The following NEMP2 variants were observed in gnomAD, a reference collection of about 807,000 sequenced individuals.
NEMP2 encodes nuclear envelope integral membrane protein 2.
A neutral mutation model predicts 54.2 loss-of-function variants in NEMP2; 53 were observed. The observed-to-expected ratio is 0.98, with a 90% confidence interval of 0.78 to 1.23. NEMP2 has a LOEUF of 1.23. NEMP2 is among the 50% of genes most tolerant of loss of function. The pLI is 0.00. For missense variants in NEMP2, 455 were observed against 511.3 expected (o/e 0.89, Z 1.06); for synonymous variants, 197 against 190.3 (o/e 1.04, Z -0.29).
At chr2:190,612,034 C>T in the NEMP2 span, among the ~76,000 whole-genome samples, 1 of 152,136 alleles carries the variant, frequency 6.6e-6, no homozygotes. Context: ...GGCCTAATCA[C>T]CTTCAAACTG....
the NEMP2 span, among the ~76,000 whole-genome samples, chr2:190,464,492 C>T: frequency 6.6e-6 from 1 of 152,164 alleles, no homozygotes; most frequent in Non-Finnish European, 1.5e-5. Flanking sequence ...GAAAAGTTCA[C>T]TTCTTTCTTC....
the NEMP2 span, among the ~76,000 whole-genome samples, chr2:190,476,408 C>T: frequency 6.6e-6 from 1 of 152,212 alleles, no homozygotes; most frequent in Non-Finnish European, 1.5e-5. Flanking sequence ...TGAACAGACT[C>T]TTCTCAAAAG....
the NEMP2 span, chr2:190,437,185 G>A: frequency 6.2e-7 from 1 of 1,614,184 alleles, no homozygotes; most frequent in South Asian, 1.1e-5. The surrounding 1 kb of genome is among the most constrained non-coding windows in gnomAD (Gnocchi z 5.9). Context: ...CTTGATCGTT[G>A]CCACTCAGTT....
At chr2:190,591,092 A>C in the NEMP2 span, among the ~76,000 whole-genome samples, 1 of 152,182 alleles carries the variant, frequency 6.6e-6, no homozygotes, top group Non-Finnish European at 1.5e-5. This position sits in a 1 kb window ranked among gnomAD's most constrained non-coding sequence, Gnocchi z 5.4. Flanking sequence ...TGACAAAAAA[A>C]GGAAATAAGT....
the NEMP2 span, among the ~76,000 whole-genome samples, chr2:190,581,092 G>A: frequency 6.6e-6 from 1 of 152,174 alleles, no homozygotes; most frequent in Admixed American, 6.5e-5. Context: ...CTCACCAGCA[G>A]TGTTGTCCAT....
chr2:190,534,298 G>C, intron 1 of NEMP2: 1 of 1,173,858 alleles, frequency 8.5e-7, no homozygotes, highest in South Asian at 4.2e-5. Flanking sequence ...GTAAAACGAG[G>C]GAATTGGGCG....
At chr2:190,422,739 A>G in the NEMP2 span, among the ~76,000 whole-genome samples, 1 of 152,108 alleles carries the variant, frequency 6.6e-6, no homozygotes, top group Non-Finnish European at 1.5e-5. Context: ...GACAACTCTT[A>G]TCTTTCAGTT....
chr2:190,459,747 T>C, the NEMP2 span, among the ~76,000 whole-genome samples: 2 of 152,212 alleles, frequency 1.3e-5, no homozygotes, highest in African/African-American at 4.8e-5. This position sits in a 1 kb window ranked among gnomAD's most constrained non-coding sequence, Gnocchi z 5.3. Flanking sequence ...AGCTTATCAG[T>C]CATTTTAGAG....
At chr2:190,484,477 G>A in the NEMP2 span, among the ~76,000 whole-genome samples, 3 of 152,064 alleles carry the variant, frequency 2.0e-5, no homozygotes, top group Non-Finnish European at 4.4e-5. Flanking sequence ...GTCGTTTTCG[G>A]TAGCACAATT....
chr2:190,509,170 T>G lies in NEMP2; in HGVS notation c.*19A>C. 6.4e-7 allele frequency: 1 copy of G among 1,551,428 alleles called. No homozygotes were observed. The highest frequency in any genetic ancestry group is 8.7e-7 in the Non-Finnish European group (1 of 1,146,898). ...GCCCACTTCCTTGTCCAGAATGAAG[T>G]CAACTTGAAGGTCGCATGTCAGGCA... On this transcript the variant is annotated 3_prime_UTR_variant, in exon 9 of 9. Transcript: ENST00000409150. This position sits in a 1 kb window ranked among gnomAD's most constrained non-coding sequence, Gnocchi z 6.1.
At chr2:190,583,688 G>A in the NEMP2 span, among the ~76,000 whole-genome samples, 1 of 152,174 alleles carries the variant, frequency 6.6e-6, no homozygotes, top group Non-Finnish European at 1.5e-5. Context: ...GCTCAACCAG[G>A]CCTGGACTGT....
chr2:190,497,198 T>A, the NEMP2 span, among the ~76,000 whole-genome samples: 582 of 152,234 alleles, frequency 3.8e-3, 4 homozygotes, highest in African/African-American at 0.014. The surrounding 1 kb of genome is among the most constrained non-coding windows in gnomAD (Gnocchi z 5.2). Context: ...GAAAAATATA[T>A]TTCTTAAATA....
the NEMP2 span, among the ~76,000 whole-genome samples, chr2:190,602,652 C>T: frequency 1.3e-5 from 2 of 152,116 alleles, no homozygotes; most frequent in Non-Finnish European, 2.9e-5. Flanking sequence ...ACTTCTTCCT[C>T]GGTGAAGGCT....
the NEMP2 span, among the ~76,000 whole-genome samples, chr2:190,423,810 C>T: frequency 6.6e-6 from 1 of 152,130 alleles, no homozygotes; most frequent in African/African-American, 2.4e-5. This position sits in a 1 kb window ranked among gnomAD's most constrained non-coding sequence, Gnocchi z 4.3. Context: ...AGTGTTATCC[C>T]TATTTTTATT....
At chr2:190,445,683 T>C in the NEMP2 span, among the ~76,000 whole-genome samples, 1 of 152,174 alleles carries the variant, frequency 6.6e-6, no homozygotes, top group Admixed American at 6.5e-5. Context: ...ACATAAGGTC[T>C]TTTTCCTCTC....
the NEMP2 span, chr2:190,437,678 A>G: frequency 7.7e-5 from 95 of 1,233,166 alleles, 1 homozygote; most frequent in Admixed American, 2.4e-3. The surrounding 1 kb of genome is among the most constrained non-coding windows in gnomAD (Gnocchi z 5.9). Flanking sequence ...ATAGGGTTGG[A>G]GTGGAAATGG....
chr2:190,602,642 ACTT>A, the NEMP2 span, among the ~76,000 whole-genome samples: 11 of 151,986 alleles, frequency 7.2e-5, no homozygotes, highest in African/African-American at 2.4e-4. Context: ...TTTCCACTCT[ACTT>A]CTTCCTCGGT....
chr2:190,585,164 T>C, the NEMP2 span, among the ~76,000 whole-genome samples: 2 of 152,238 alleles, frequency 1.3e-5, no homozygotes, highest in African/African-American at 4.8e-5. This position sits in a 1 kb window ranked among gnomAD's most constrained non-coding sequence, Gnocchi z 5.3. Flanking sequence ...AACAATGCTC[T>C]AGCAGCTCAT....
the NEMP2 span, among the ~76,000 whole-genome samples, chr2:190,494,299 C>G: frequency 6.6e-6 from 1 of 151,996 alleles, no homozygotes; most frequent in Non-Finnish European, 1.5e-5. The surrounding 1 kb of genome is among the most constrained non-coding windows in gnomAD (Gnocchi z 5.7). Context: ...TAGCTTAAAT[C>G]AGGAAGAATT....
Sources: allele counts gnomAD v4.1 joint callset (sites outside exome capture counted in the v4.1 genomes callset), GRCh38; gene constraint gnomAD v4.1.1; non-coding constraint Gnocchi (gnomAD v3.1); transcripts MANE v1.5; gene names NCBI Gene and HGNC (gene_info 2026-07-23, HGNC 2026-07-21).